The following BBX variants were observed in gnomAD, a reference collection of about 807,000 sequenced individuals.
The protein encoded by BBX is HMG box transcription factor BBX.
Under a neutral mutation model 100.2 loss-of-function variants are expected in BBX, and 30 were observed. That is an observed-to-expected ratio of 0.30 (90% CI 0.22 to 0.41). The LOEUF is 0.41. Ranked by LOEUF, BBX falls within the 10% of genes least tolerant of loss-of-function variation. BBX has a pLI of 1.00. For missense variants in BBX, 1,023 were observed against 1,129.8 expected (o/e 0.91, Z 1.35); for synonymous variants, 376 against 388.1 (o/e 0.97, Z 0.37).
At chr3:107,763,852 C>T (rs1176154560) in intron 10 of BBX, among the ~76,000 whole-genome samples, 2 of 152,016 alleles carry the variant, frequency 1.3e-5, no homozygotes, top group Non-Finnish European at 1.5e-5. Flanking sequence ...AACCTCAGTG[C>T]GATTTTTATT....
chr3:107,690,605 T>C (rs1180768115), intron 3 of BBX, among the ~76,000 whole-genome samples: 1 of 152,096 alleles, frequency 6.6e-6, no homozygotes, highest in Non-Finnish European at 1.5e-5. Context: ...ATTTCCCAGG[T>C]TTATATGGTT....
At chr3:107,704,906 T>C (rs1284628837) in intron 3 of BBX, among the ~76,000 whole-genome samples, 3 of 152,124 alleles carry the variant, frequency 2.0e-5, no homozygotes, top group African/African-American at 4.8e-5. Context: ...AGAAGAGATA[T>C]TTGACCCGGG....
In BBX at chr3:107,733,012, G is replaced by C. The variant is rs1411261360; in HGVS notation, c.658G>C (p.Gly220Arg). 6.2e-7 allele frequency: 1 copy of C among 1,612,954 alleles called. No homozygotes were observed. Among genetic ancestry groups the C allele is most frequent in the Admixed American group, 1.7e-5 (1 of 59,900 alleles). The change falls in exon 7 of 18, where the codon GGC becomes CGC. Residue 220 changes from glycine (G) to arginine (R), a missense_variant. Coordinates refer to ENST00000325805, the MANE Select transcript of BBX (RefSeq NM_001142568.3). Reference protein sequence around the residue: ...MLLLAGEHALGTPEVSSGTCR... With the variant: ...MLLLAGEHALRTPEVSSGTCR... The stretch of plus-strand genomic sequence containing the variant: ...GCTGTTAGCTGGAGAACATGCTCTT[G>C]GCACACCAGAGGTAAGCCAGTCCTT...
At chr3:107,603,185 C>T (rs548945189) in intron 2 of BBX, among the ~76,000 whole-genome samples, 13 of 151,918 alleles carry the variant, frequency 8.6e-5, no homozygotes, top group Admixed American at 2.0e-4. Flanking sequence ...AGGATGGTCT[C>T]GATCTCTTGA....
intron 2 of BBX, among the ~76,000 whole-genome samples, chr3:107,603,903 C>T (rs1025264034): frequency 2.0e-5 from 3 of 151,752 alleles, no homozygotes; most frequent in African/African-American, 4.8e-5. Context: ...AGTACAGTAT[C>T]GTGTAAACCT....
intron 3 of BBX, among the ~76,000 whole-genome samples, chr3:107,680,688 G>T (rs113432758): frequency 6.6e-6 from 1 of 152,024 alleles, no homozygotes; most frequent in South Asian, 2.1e-4. Context: ...ATTGTTGACC[G>T]GTCCGTTAAG....
chr3:107,719,983 C>T (rs969999421), intron 5 of BBX, among the ~76,000 whole-genome samples: 1 of 151,996 alleles, frequency 6.6e-6, no homozygotes. Flanking sequence ...ATTTGGAAAG[C>T]TTAAACAATT....
At chr3:107,764,806 A>G (rs1439013445) in intron 10 of BBX, among the ~76,000 whole-genome samples, 3 of 152,194 alleles carry the variant, frequency 2.0e-5, no homozygotes, top group South Asian at 2.1e-4. Context: ...GTTTCCCACA[A>G]TGTAGCCTTA....
rs533361434 is a variant in BBX at position 107,600,773 on chromosome 3, G to A, written c.-83-45063G>A. On this transcript the variant is annotated intron_variant, in intron 2 of 17. Coordinates refer to ENST00000325805, the MANE Select transcript of BBX (RefSeq NM_001142568.3). ...AAATATTAAAAGTTCTAGAGAAGAC[G>A]GAATCTGGGAAGTAAACCTAATACA... is the stretch of plus-strand genomic sequence containing the variant. Among the ~76,000 whole-genome samples, 8 of 152,168 alleles carry A rather than the reference G, an allele frequency of 5.3e-5. No homozygotes were observed. The South Asian group carries it at 6.2e-4, about 12-fold the overall frequency.
chr3:107,701,593 A>G (rs769416075), intron 3 of BBX, among the ~76,000 whole-genome samples: 1 of 152,212 alleles, frequency 6.6e-6, no homozygotes, highest in African/African-American at 2.4e-5. Flanking sequence ...AGTGTGATTT[A>G]TAAACATAAT....
intron 2 of BBX, among the ~76,000 whole-genome samples, chr3:107,562,792 T>C (rs1255896843): frequency 6.6e-6 from 1 of 152,168 alleles, no homozygotes; most frequent in Non-Finnish European, 1.5e-5. Context: ...AGGTTACATG[T>C]GTAACCTGAA....
intron 16 of BBX, among the ~76,000 whole-genome samples, chr3:107,799,506 C>T (rs1275678189): frequency 6.6e-6 from 1 of 152,092 alleles, no homozygotes; most frequent in Non-Finnish European, 1.5e-5. Flanking sequence ...CTTTATCTTT[C>T]TCAATGTGCA....
chr3:107,774,690 AAC>A (rs1275608849), intron 11 of BBX, 27 bp from the exon 12 acceptor site: 1 of 1,610,162 alleles, frequency 6.2e-7, no homozygotes, highest in African/African-American at 1.3e-5. Context: ...CTGTATACCA[AAC>A]ACATCCTTTC....
intron 2 of BBX, among the ~76,000 whole-genome samples, chr3:107,640,229 T>TC (rs2057106464): frequency 6.6e-6 from 1 of 152,164 alleles, no homozygotes; most frequent in Non-Finnish European, 1.5e-5. Context: ...CTAACATTAC[T>TC]CTGCTATTTA....
intron 3 of BBX, among the ~76,000 whole-genome samples, chr3:107,693,333 T>A (rs973872601): frequency 2.6e-5 from 4 of 151,856 alleles, no homozygotes; most frequent in African/African-American, 4.9e-5. Flanking sequence ...TGGTTTTAGG[T>A]CTAACGTTTA....
At chr3:107,696,595 G>A (rs980988619) in intron 3 of BBX, among the ~76,000 whole-genome samples, 1 of 151,850 alleles carries the variant, frequency 6.6e-6, no homozygotes, top group Non-Finnish European at 1.5e-5. Flanking sequence ...TTCCCTTTGA[G>A]GGTAATCCGA....
intron 3 of BBX, among the ~76,000 whole-genome samples, chr3:107,657,760 T>C (rs1378725339): frequency 6.6e-6 from 1 of 152,094 alleles, no homozygotes; most frequent in African/African-American, 2.4e-5. Context: ...GATGTAGTTA[T>C]AAATTTGAGA....
intron 3 of BBX, chr3:107,661,895 A>G: frequency 2.0e-6 from 2 of 985,300 alleles, no homozygotes; most frequent in Non-Finnish European, 2.4e-6. Flanking sequence ...ATAGATGTGG[A>G]GGATTCACTG....
intron 3 of BBX, among the ~76,000 whole-genome samples, chr3:107,690,882 G>GCCC (rs33924823): frequency 1.6e-4 from 14 of 85,634 alleles, no homozygotes; most frequent in African/African-American, 5.2e-4. Context: ...TCACTTTGAT[G>GCCC]CCCCCCCCCC....
Sources: allele counts gnomAD v4.1 joint callset (sites outside exome capture counted in the v4.1 genomes callset), GRCh38; gene constraint gnomAD v4.1.1; transcripts MANE v1.5; gene names NCBI Gene and HGNC (gene_info 2026-07-23, HGNC 2026-07-21).